USP7: variants seen among roughly 807,000 people sequenced by gnomAD.
USP7 encodes the protein ubiquitin C-terminal hydrolase 7.
Under a neutral mutation model 162.9 loss-of-function variants are expected in USP7, and 9 were observed. The observed-to-expected ratio is 0.06, with a 90% CI of 0.03 to 0.10. The LOEUF (loss-of-function observed/expected upper bound fraction) is 0.10. USP7 is among the 10% of genes least tolerant of loss of function. The probability of loss-of-function intolerance (pLI) is 1.00; values close to 1 mark genes in which losing one functional copy is unlikely to be tolerated. For synonymous variants in USP7, 562 were observed against 475.9 expected, an observed-to-expected ratio of 1.18 and a Z score of -2.35; for missense variants, 715 against 1,373.7, an observed-to-expected ratio of 0.52 and a Z score of 7.58.
intron 10 of USP7, among the ~76,000 whole-genome samples, chr16:8,915,000 G>A (rs2062006894): frequency 6.6e-6 from 1 of 152,210 alleles, no homozygotes; most frequent in East Asian, 1.9e-4. Flanking sequence ...TTAACCCAGG[G>A]TGTTAGAAGT....
intron 1 of USP7, among the ~76,000 whole-genome samples, chr16:8,952,726 G>C (rs762300866): frequency 6.6e-6 from 1 of 152,146 alleles, no homozygotes; most frequent in Non-Finnish European, 1.5e-5. Flanking sequence ...ACACCTTTCC[G>C]GGGATGGGAG....
At position 8,892,126 on chromosome 16, in the gene USP7, G is replaced by A. The variant is rs1259080602; in HGVS notation, c.*1872C>T. The A allele has an allele frequency of 6.6e-6, 1 of 152,206 alleles. No homozygotes were observed. The highest frequency in any genetic ancestry group is 1.5e-5 in the Non-Finnish European group (1 of 68,034). The allele number at this position is 152,206 out of a possible 1,614,324, so 9.4% of individuals were successfully genotyped here. ...GAAAAAGAGTCATTTAATACCTTAA[G>A]GGAGAGTAGGAACTTTCAGTTACCT... On this transcript the variant is annotated 3_prime_UTR_variant, in exon 31 of 31. Transcript: ENST00000344836.
intron 6 of USP7, among the ~76,000 whole-genome samples, chr16:8,918,017 G>C (rs1008077766): frequency 1.4e-4 from 21 of 151,108 alleles, no homozygotes; most frequent in Non-Finnish European, 3.0e-4. Context: ...GTCTCGATCT[G>C]CTGACCTCAT....
intron 1 of USP7, among the ~76,000 whole-genome samples, chr16:8,931,407 G>A (rs539997352): frequency 2.0e-5 from 3 of 152,132 alleles, no homozygotes; most frequent in African/African-American, 4.8e-5. Flanking sequence ...AACTGGTCTC[G>A]AACTCCTGGC....
At chr16:8,911,511 G>A (rs185034576) in intron 10 of USP7, among the ~76,000 whole-genome samples, 1 of 152,304 alleles carries the variant, frequency 6.6e-6, no homozygotes, top group Admixed American at 6.5e-5. Context: ...GGTCATGAAG[G>A]AAAAACGCAA....
intron 1 of USP7, among the ~76,000 whole-genome samples, chr16:8,937,926 G>C (rs181777610): frequency 2.0e-5 from 3 of 152,134 alleles, no homozygotes; most frequent in Admixed American, 1.3e-4. Flanking sequence ...TACTGACCAC[G>C]TGAGAAGGAA....
intron 13 of USP7, 118 bp from the exon 14 acceptor site, chr16:8,905,449 T>A (rs765439237): frequency 2.4e-6 from 3 of 1,273,010 alleles, no homozygotes; most frequent in Non-Finnish European, 3.3e-6. Flanking sequence ...GTTGAAAAAA[T>A]ATCCATGTGT....
intron 10 of USP7, among the ~76,000 whole-genome samples, chr16:8,912,656 G>C (rs1241374071): frequency 1.3e-5 from 2 of 149,638 alleles, no homozygotes; most frequent in African/African-American, 4.9e-5. Context: ...AGAGACACAG[G>C]GCTGGGCATG....
chr16:8,963,148 C>T, intron 1 of USP7, 59 bp downstream of exon 1: 1 of 1,344,610 alleles, frequency 7.4e-7, no homozygotes, highest in Non-Finnish European at 9.7e-7. Flanking sequence ...TCCCGCGGCT[C>T]CCCCGGCCAC....
intron 7 of USP7, 128 bp from the exon 8 acceptor site, chr16:8,916,684 T>A: frequency 1.0e-6 from 1 of 989,712 alleles, no homozygotes; most frequent in Non-Finnish European, 1.5e-6. Context: ...TCTGTGAAGA[T>A]TATTTTTGGG....
intron 1 of USP7, among the ~76,000 whole-genome samples, chr16:8,953,458 G>A (rs1055639847): frequency 6.6e-6 from 1 of 152,174 alleles, no homozygotes; most frequent in African/African-American, 2.4e-5. Flanking sequence ...TACGATCCAA[G>A]GGGAAACCAA....
chr16:8,906,979 T>C (rs1370395303), intron 12 of USP7, among the ~76,000 whole-genome samples: 1 of 152,264 alleles, frequency 6.6e-6, no homozygotes, highest in African/African-American at 2.4e-5. Flanking sequence ...TAGTTTTAAC[T>C]GGCTCTACAA....
intron 1 of USP7, among the ~76,000 whole-genome samples, chr16:8,960,797 T>A (rs1419560341): frequency 6.6e-6 from 1 of 152,234 alleles, no homozygotes; most frequent in Non-Finnish European, 1.5e-5. Flanking sequence ...ATCGTAAGGC[T>A]AGTACCACAT....
At chr16:8,909,504 C>T (rs2061910712) in intron 11 of USP7, among the ~76,000 whole-genome samples, 1 of 152,238 alleles carries the variant, frequency 6.6e-6, no homozygotes, top group Non-Finnish European at 1.5e-5. Context: ...GATTCTGTCT[C>T]CACCGCTGTC....
At chr16:8,957,718 C>T (rs910821114) in intron 1 of USP7, among the ~76,000 whole-genome samples, 8 of 151,650 alleles carry the variant, frequency 5.3e-5, no homozygotes, top group Non-Finnish European at 4.4e-5. Context: ...TGATCGCCCA[C>T]TGCACTACAG....
intron 13 of USP7, 41 bp downstream of exon 13, chr16:8,906,385 T>C: frequency 6.3e-7 from 1 of 1,594,552 alleles, no homozygotes; most frequent in Non-Finnish European, 8.5e-7. Context: ...TGTGTTAACT[T>C]TCTGATGAGC....
intron 2 of USP7, 52 bp downstream of exon 2, chr16:8,930,241 G>A (rs1374481904): frequency 4.2e-6 from 6 of 1,438,400 alleles, no homozygotes; most frequent in Non-Finnish European, 4.8e-6. Context: ...ATCTGAACCT[G>A]TTTTCTGACA....
intron 1 of USP7, among the ~76,000 whole-genome samples, chr16:8,944,054 AAAAC>A (rs1301103214): frequency 3.9e-5 from 6 of 152,182 alleles, no homozygotes; most frequent in African/African-American, 1.2e-4. Context: ...TCTGAAATTA[AAAAC>A]AAACAAAAAA....
intron 7 of USP7, 46 bp from the exon 8 acceptor site, chr16:8,916,602 A>C: frequency 6.4e-7 from 1 of 1,558,118 alleles, no homozygotes; most frequent in Non-Finnish European, 8.7e-7. Flanking sequence ...TCAACTTTCA[A>C]ATGAGCAAAT....
Sources: gnomAD v4.1 joint callset for allele counts (sites outside exome capture counted in the v4.1 genomes callset) on GRCh38, gnomAD v4.1.1 for gene constraint, MANE v1.5 for transcripts, NCBI Gene and HGNC (gene_info 2026-07-23, HGNC 2026-07-21) for gene names.